Variants in GARIN1A observed in about 807,000 individuals in gnomAD.
The protein encoded by GARIN1A is golgi associated RAB2 interactor 1A, also known as Golgi-associated RAB2 interactor protein 1A.
the GARIN1A span, among the ~76,000 whole-genome samples, chr7:128,698,009 A>G: frequency 7.6e-3 from 1,152 of 152,306 alleles, 12 homozygotes; most frequent in African/African-American, 0.027. Flanking sequence ...GAAGTCGTGC[A>G]CAAGCATTTA....
chr7:128,708,245 T>G, the GARIN1A span, among the ~76,000 whole-genome samples: 3 of 151,260 alleles, frequency 2.0e-5, no homozygotes, highest in Non-Finnish European at 4.4e-5. Context: ...CAGGCTGATC[T>G]CAAACTCCTG....
At chr7:128,696,685 T>C in the GARIN1A span, among the ~76,000 whole-genome samples, 1 of 152,156 alleles carries the variant, frequency 6.6e-6, no homozygotes, top group Non-Finnish European at 1.5e-5. Flanking sequence ...AAAAGGATTC[T>C]AGGTCAATGA....
the GARIN1A span, among the ~76,000 whole-genome samples, chr7:128,677,274 G>A: frequency 4.6e-5 from 7 of 151,808 alleles, no homozygotes; most frequent in Non-Finnish European, 8.8e-5. Context: ...TTGGGAGGCC[G>A]AGGCGGGCGG....
chr7:128,707,700 G>A, the GARIN1A span, among the ~76,000 whole-genome samples: 184 of 151,848 alleles, frequency 1.2e-3, no homozygotes, highest in Middle Eastern at 3.4e-3. Context: ...TGATCCTCCC[G>A]CCTTGGCCTC....
At chr7:128,691,282 ATCTAAGAGCTCATCACG>A in the GARIN1A span, 1 of 152,166 alleles carries the variant, frequency 6.6e-6, no homozygotes, top group Non-Finnish European at 1.5e-5. Flanking sequence ...GCTGATCTAC[ATCTAAGAGCTCATCACG>A]TCTGGTTTCC....
chr7:128,681,805 G>T, the GARIN1A span, among the ~76,000 whole-genome samples: 2 of 151,872 alleles, frequency 1.3e-5, no homozygotes, highest in Non-Finnish European at 2.9e-5. Context: ...AGCTGGCCAG[G>T]AGCTTTCTTG....
the GARIN1A span, among the ~76,000 whole-genome samples, chr7:128,692,944 A>G: frequency 4.6e-5 from 7 of 152,250 alleles, no homozygotes; most frequent in African/African-American, 4.8e-5. Context: ...AGAGTGGTAA[A>G]GCTTCATAAT....
chr7:128,686,157 G>A, the GARIN1A span: 1 of 152,166 alleles, frequency 6.6e-6, no homozygotes, highest in Non-Finnish European at 1.5e-5. Context: ...AGGTTACAGT[G>A]AGCAGAGATG....
chr7:128,705,057 C>G, the GARIN1A span, among the ~76,000 whole-genome samples: 3 of 152,230 alleles, frequency 2.0e-5, no homozygotes, highest in South Asian at 4.1e-4. Context: ...CTTACTCTTG[C>G]ATGAGTCAAC....
the GARIN1A span, among the ~76,000 whole-genome samples, chr7:128,701,218 A>T: frequency 6.6e-6 from 1 of 150,612 alleles, no homozygotes; most frequent in South Asian, 2.1e-4. Context: ...ATAGAGGGAA[A>T]CAAATGTTAG....
chr7:128,692,031 C>T, the GARIN1A span, among the ~76,000 whole-genome samples: 1 of 152,246 alleles, frequency 6.6e-6, no homozygotes, highest in African/African-American at 2.4e-5. Context: ...TTCCCTCCAG[C>T]TTACTGCTTT....
chr7:128,689,825 G>T, the GARIN1A span, among the ~76,000 whole-genome samples: 11 of 149,270 alleles, frequency 7.4e-5, no homozygotes, highest in South Asian at 2.2e-4. Context: ...CCCCGTCCGG[G>T]AGGTGGGGGG....
the GARIN1A span, chr7:128,697,626 T>A: frequency 1.3e-5 from 2 of 151,386 alleles, no homozygotes; most frequent in African/African-American, 4.9e-5. Flanking sequence ...CTAACTCTGC[T>A]CCCCCTTTTA....
the GARIN1A span, among the ~76,000 whole-genome samples, chr7:128,679,342 G>A: frequency 2.0e-4 from 30 of 151,948 alleles, no homozygotes; most frequent in East Asian, 1.7e-3. Context: ...ACAAGTGTGC[G>A]CCACCACGCC....
chr7:128,671,682 T>G, the GARIN1A span, among the ~76,000 whole-genome samples: 1 of 151,706 alleles, frequency 6.6e-6, no homozygotes, highest in Non-Finnish European at 1.5e-5. Flanking sequence ...AATTGCTGTG[T>G]TTAACAACTG....
At chr7:128,682,823 C>T in the GARIN1A span, 21 of 572,978 alleles carry the variant, frequency 3.7e-5, no homozygotes, top group Non-Finnish European at 3.0e-5. Flanking sequence ...GTGATCCGCC[C>T]ACCTCGGCCT....
the GARIN1A span, chr7:128,678,184 CTAATTT>C: frequency 1.8e-5 from 3 of 163,034 alleles, no homozygotes; most frequent in Non-Finnish European, 4.0e-5. Flanking sequence ...CCATGCCTGG[CTAATTT>C]TTGTATTTTT....
the GARIN1A span, chr7:128,690,454 C>T: frequency 1.3e-5 from 2 of 152,104 alleles, no homozygotes; most frequent in African/African-American, 4.8e-5. Context: ...ACTCTAACAA[C>T]TCCAAAACCC....
At chr7:128,674,131 G>T in the GARIN1A span, among the ~76,000 whole-genome samples, 15 of 152,100 alleles carry the variant, frequency 9.9e-5, no homozygotes, top group Non-Finnish European at 4.4e-5. Context: ...TTGACCTCAT[G>T]ATCTGCCCGC....
Sources: gnomAD v4.1 joint callset for allele counts (sites outside exome capture counted in the v4.1 genomes callset) on GRCh38, gnomAD v4.1.1 for gene constraint, MANE v1.5 for transcripts, NCBI Gene and HGNC (gene_info 2026-07-23, HGNC 2026-07-21) for gene names.